Variants in TAB2 observed in about 807,000 individuals in gnomAD.
TAB2 encodes TGF-beta activated kinase 1 (MAP3K7) binding protein 2, also known as TGF-beta-activated kinase 1 and MAP3K7-binding protein 2.
Under a neutral mutation model 65.0 loss-of-function variants are expected in TAB2, and 3 were observed. That is an observed-to-expected ratio of 0.05 (90% CI 0.02 to 0.12). The LOEUF (loss-of-function observed/expected upper bound fraction) is 0.12, where lower values mean the gene tolerates loss of function less well. Among genes scored for constraint, TAB2 ranks in the 10% least tolerant of loss-of-function variants. TAB2 has a pLI of 1.00. For synonymous variants in TAB2, 298 were observed against 285.1 expected, an observed-to-expected ratio of 1.05 and a Z score of -0.46; for missense variants, 623 against 840.3, an observed-to-expected ratio of 0.74 and a Z score of 3.20.
chr6:149,270,482 C>T (rs1204373170), intron 1 of TAB2, among the ~76,000 whole-genome samples: 1 of 151,996 alleles, frequency 6.6e-6, no homozygotes, highest in East Asian at 1.9e-4. Flanking sequence ...TTGAATACTT[C>T]AAAACCGCTA....
At chr6:149,320,824 C>G (rs1288062896) in intron 1 of TAB2, among the ~76,000 whole-genome samples, 1 of 152,086 alleles carries the variant, frequency 6.6e-6, no homozygotes, top group East Asian at 1.9e-4. Flanking sequence ...ATTGAAAAAT[C>G]CAAATTATAA....
At chr6:149,318,336 G>A (rs1452415195) in intron 1 of TAB2, among the ~76,000 whole-genome samples, 1 of 152,022 alleles carries the variant, frequency 6.6e-6, no homozygotes, top group Non-Finnish European at 1.5e-5. Context: ...GGGGGAGGGC[G>A]CAAGGGGCTC....
At chr6:149,407,776 TAAAA>T (rs1285513904) in intron 6 of TAB2, among the ~76,000 whole-genome samples, 1 of 139,326 alleles carries the variant, frequency 7.2e-6, no homozygotes, top group South Asian at 2.3e-4. Flanking sequence ...CACCTCTAAT[TAAAA>T]AAAAAAAAAA....
rs1228666340 is a variant in TAB2, at chr6:149,399,056, TG to T, written c.1859-47del. On this transcript the variant is annotated intron_variant, in intron 5 of 6. Coordinates refer to ENST00000637181, the MANE Select transcript of TAB2 (RefSeq NM_001292034.3). Reference sequence around the variant, plus strand: ...AAATACTTGTTTTAAAAAGTAAAGTTGTTTTTGAGCTATAAGCATTGATATA... The same window carrying T: ...AAATACTTGTTTTAAAAAGTAAAGTTTTTTTGAGCTATAAGCATTGATATA... The T allele has an allele frequency of 2.0e-6, 3 of 1,473,714 alleles. No homozygotes were observed. In the African/African-American group the frequency reaches 4.2e-5, roughly 20 times the overall value. The allele number at this position is 1,473,714 out of a possible 1,614,324, so 91.3% of individuals were successfully genotyped here. A position where few individuals can be genotyped will look rare whatever the true frequency, so the allele number is the denominator to read the frequency against.
intron 1 of TAB2, among the ~76,000 whole-genome samples, chr6:149,305,225 T>A (rs1315528332): frequency 1.3e-5 from 2 of 152,222 alleles, no homozygotes; most frequent in Non-Finnish European, 2.9e-5. Flanking sequence ...ATGGATAGAA[T>A]GTCTTTCTTC....
chr6:149,403,281 TATACACAC>T (rs1562456378), intron 6 of TAB2, among the ~76,000 whole-genome samples: 9 of 31,892 alleles, frequency 2.8e-4, no homozygotes, highest in African/African-American at 1.6e-3. Context: ...TATATATATA[TATACACAC>T]ACACACATAT....
At position 149,234,270 on chromosome 6, in the gene TAB2, G is replaced by A. The variant is rs191655952; in HGVS notation, c.-121+15494G>A. On this transcript the variant is annotated intron_variant, in intron 1 of 1. Transcript: ENST00000606202. ...ATGTGCAGACTTGAAGACAGAAGAA[G>A]TAATAAAGGGAACTCTTGCTACTCG... 7.4e-4 allele frequency among the ~76,000 whole-genome samples: 113 copies of A among 152,288 alleles called. 1 individual carries two copies. The highest frequency in any genetic ancestry group is 2.6e-3 in the African/African-American group (108 of 41,558).
intron 1 of TAB2, among the ~76,000 whole-genome samples, chr6:149,325,036 T>C (rs1294287154): frequency 6.6e-6 from 1 of 152,222 alleles, no homozygotes; most frequent in African/African-American, 2.4e-5. Context: ...TTTTGGTTTT[T>C]AGTTGATCTC....
intron 1 of TAB2, among the ~76,000 whole-genome samples, chr6:149,233,787 T>C (rs1021684396): frequency 6.6e-6 from 1 of 152,224 alleles, no homozygotes; most frequent in South Asian, 2.1e-4. Flanking sequence ...CAACTACTTT[T>C]AATGGCAAGA....
chr6:149,294,386 A>T (rs1315867982), intron 1 of TAB2, among the ~76,000 whole-genome samples: 3 of 152,184 alleles, frequency 2.0e-5, no homozygotes, highest in African/African-American at 7.2e-5. Flanking sequence ...TATTGGGTTA[A>T]GGTCTATTCT....
rs375406263 is a variant in TAB2 at position 149,253,921 on chromosome 6, CGAAA to C, written c.-121+35164_-121+35167del. Among the ~76,000 whole-genome samples, 77 of 74,914 alleles carry C rather than the reference CGAAA, an allele frequency of 1.0e-3. 1 individual carries two copies. Among genetic ancestry groups the C allele is most frequent in the African/African-American group, 2.4e-3 (54 of 22,488 alleles). The allele number at this position is 74,914 out of a possible 152,430, so 49.1% of individuals were successfully genotyped here. ...TGGGTGACAGAGAGAGACTCCATCT[CGAAA>C]GAAAGAAAGAAAGAAAGAGAAAGAA... is the stretch of plus-strand genomic sequence containing the variant. On this transcript the variant is annotated intron_variant, in intron 1 of 1. Transcript: ENST00000606202.
intron 1 of TAB2, among the ~76,000 whole-genome samples, chr6:149,275,827 A>G (rs1778461439): frequency 6.6e-6 from 1 of 152,218 alleles, no homozygotes; most frequent in African/African-American, 2.4e-5. Context: ...AAAAGCATCA[A>G]ACAAATTCCA....
chr6:149,274,148 A>G (rs1375105077), intron 1 of TAB2, among the ~76,000 whole-genome samples: 1 of 152,244 alleles, frequency 6.6e-6, no homozygotes, highest in Non-Finnish European at 1.5e-5. Context: ...CCCAGGGCCC[A>G]GAACCATCAA....
At chr6:149,294,369 C>T (rs1446955462) in intron 1 of TAB2, among the ~76,000 whole-genome samples, 1 of 152,136 alleles carries the variant, frequency 6.6e-6, no homozygotes, top group Admixed American at 6.6e-5. Context: ...TCTCAGGACA[C>T]CAATTATATT....
At chr6:149,350,468 A>G (rs1441419156) in intron 1 of TAB2, among the ~76,000 whole-genome samples, 1 of 152,104 alleles carries the variant, frequency 6.6e-6, no homozygotes, top group Non-Finnish European at 1.5e-5. Flanking sequence ...TGGAAACTGG[A>G]ATTTGCTTTT....
chr6:149,396,316 G>C (rs1782168735), intron 3 of TAB2, among the ~76,000 whole-genome samples: 5 of 152,174 alleles, frequency 3.3e-5, no homozygotes, highest in African/African-American at 9.7e-5. Flanking sequence ...ACCATGCCCA[G>C]CCTGGAATTT....
intron 6 of TAB2, among the ~76,000 whole-genome samples, chr6:149,401,535 C>T (rs146429621): frequency 6.6e-6 from 1 of 152,178 alleles, no homozygotes; most frequent in African/African-American, 2.4e-5. Flanking sequence ...ACACACCCCA[C>T]ATCAGACTAC....
chr6:149,232,467 TC>T (rs1261539674), intron 1 of TAB2, among the ~76,000 whole-genome samples: 2 of 152,114 alleles, frequency 1.3e-5, no homozygotes, highest in African/African-American at 4.8e-5. Flanking sequence ...CCTCAAGTGT[TC>T]CGCCTGCCTC....
At chr6:149,374,632 T>G (rs772967593) in intron 2 of TAB2, among the ~76,000 whole-genome samples, 1 of 152,234 alleles carries the variant, frequency 6.6e-6, no homozygotes, top group Non-Finnish European at 1.5e-5. Flanking sequence ...TGGATCAAGC[T>G]GACAACATCT....
Sources: allele counts gnomAD v4.1 joint callset (sites outside exome capture counted in the v4.1 genomes callset), GRCh38; gene constraint gnomAD v4.1.1; transcripts MANE v1.5; gene names NCBI Gene and HGNC (gene_info 2026-07-23, HGNC 2026-07-21).